Variants in UBR2 observed in about 807,000 individuals in gnomAD.
UBR2 encodes the protein ubiquitin protein ligase E3 component n-recognin 2.
UBR2 carries 92 observed loss-of-function variants against 247.9 expected under a neutral mutation model. The observed-to-expected ratio is 0.37, with a 90% CI of 0.31 to 0.44. The LOEUF (loss-of-function observed/expected upper bound fraction) is 0.44, where lower values mean the gene tolerates loss of function less well. Ranked by LOEUF, UBR2 falls within the 20% of genes least tolerant of loss-of-function variation. The pLI is 1.00. For missense variants in UBR2, 1,613 were observed against 2,112.6 expected, an observed-to-expected ratio of 0.76 and a Z score of 4.64; for synonymous variants, 672 against 693.5, an observed-to-expected ratio of 0.97 and a Z score of 0.49.
chr6:42,588,745 T>G (rs941731265), intron 2 of UBR2, among the ~76,000 whole-genome samples: 1 of 152,122 alleles, frequency 6.6e-6, no homozygotes, highest in African/African-American at 2.4e-5. Context: ...CTTCCGAGAT[T>G]TTGGTGGGTG....
At position 42,659,648 on chromosome 6, in the gene UBR2, T is replaced by A; in HGVS notation, c.3243-8T>A. 6.2e-7 allele frequency: 1 copy of A among 1,612,308 alleles called. No individual in the cohort carries two copies. The highest frequency in any genetic ancestry group is 8.5e-7 in the Non-Finnish European group (1 of 1,178,886). On this transcript the variant is annotated splice_region_variant and splice_polypyrimidine_tract_variant and intron_variant, in intron 29 of 46. Coordinates refer to ENST00000372901, the MANE Select transcript of UBR2 (RefSeq NM_001363705.2). This position sits in a 1 kb window ranked among gnomAD's most constrained non-coding sequence, Gnocchi z 4.3. Reference sequence around the variant, plus strand: ...TCATTAATTATATTCATAACCTTTGTATTGCAGCCCTGTGGCTTCAGATAT... The same window carrying A: ...TCATTAATTATATTCATAACCTTTGAATTGCAGCCCTGTGGCTTCAGATAT...
At chr6:42,584,695 AG>A (rs1792138606) in intron 2 of UBR2, among the ~76,000 whole-genome samples, 1 of 152,118 alleles carries the variant, frequency 6.6e-6, no homozygotes, top group Non-Finnish European at 1.5e-5. Context: ...AATTCCTTTT[AG>A]CAAAGTCTTA....
chr6:42,580,643 G>T (rs536367897), intron 2 of UBR2, among the ~76,000 whole-genome samples: 20 of 151,516 alleles, frequency 1.3e-4, no homozygotes, highest in Non-Finnish European at 8.9e-5. Context: ...GGGTTCAAGC[G>T]ATTCTCCTGC....
At chr6:42,579,891 C>T (rs1036311989) in intron 2 of UBR2, among the ~76,000 whole-genome samples, 3 of 152,136 alleles carry the variant, frequency 2.0e-5, no homozygotes, top group Admixed American at 6.5e-5. Context: ...ATAATTGTGG[C>T]TTACATTTTT....
In UBR2 at chr6:42,635,450, A is replaced by G; in HGVS notation, c.1578A>G (p.Gln526=). ...ATCCAATTACACGTCAAGTAGGACA[A>G]CATATTGAAATGGAACCAGAGTGGG... ...GMDPITRQVG[Q]HIEMEPEWEA... is the part of the protein sequence containing the mutation. The change falls in exon 14 of 47, where the codon CAA becomes CAG. Residue 526 remains glutamine, a synonymous_variant. Transcript: ENST00000372901. 1.2e-6 allele frequency: 2 copies of G among 1,613,942 alleles called. No homozygotes were observed. The highest frequency in any genetic ancestry group is 8.5e-7 in the Non-Finnish European group (1 of 1,179,858).
intron 23 of UBR2, among the ~76,000 whole-genome samples, chr6:42,651,636 G>A (rs970082838): frequency 6.6e-6 from 1 of 152,032 alleles, no homozygotes; most frequent in Non-Finnish European, 1.5e-5. Flanking sequence ...GATTACAGGT[G>A]TGTGCCACCA....
intron 7 of UBR2, among the ~76,000 whole-genome samples, chr6:42,611,152 TAAA>T (rs77005793): frequency 7.8e-6 from 1 of 128,862 alleles, no homozygotes; most frequent in Non-Finnish European, 1.7e-5. Context: ...AGCCATGATT[TAAA>T]AAAAAAAAAA....
chr6:42,687,133 C>CG (rs1234608633), intron 44 of UBR2, among the ~76,000 whole-genome samples: 1 of 152,140 alleles, frequency 6.6e-6, no homozygotes, highest in Non-Finnish European at 1.5e-5. Context: ...CCAAGGCAGG[C>CG]GGCTGGGAGG....
chr6:42,627,833 T>G (rs552655136), intron 11 of UBR2, among the ~76,000 whole-genome samples: 3 of 152,116 alleles, frequency 2.0e-5, no homozygotes, highest in Non-Finnish European at 4.4e-5. Flanking sequence ...GTCTTTAAAG[T>G]CTTTGTTTTA....
Position 42,652,026 on chromosome 6 carries a change from G to A in UBR2, c.2569G>A (p.Glu857Lys). ...AAATAACTTTATTTTTTATTAGGCA[G>A]AAGAAGCGCAACGGAAATTGAAAAG... The part of the protein sequence containing the change: ...HFSRAEQSKA[E>K]EAQRKLKRQN... The change falls in exon 24 of 47, where the codon GAA (glutamate) becomes AAA (lysine). Residue 857 changes from glutamate (E) to lysine (K), a missense_variant. Glu to Lys is a moderately conservative substitution (Grantham distance 56). Coordinates refer to ENST00000372901, the MANE Select transcript of UBR2 (RefSeq NM_001363705.2). 1 of 1,592,694 alleles carries A rather than the reference G, an allele frequency of 6.3e-7. No individual in the cohort carries two copies. The highest frequency in any genetic ancestry group is 1.8e-5 in the Admixed American group (1 of 55,158).
chr6:42,585,623 G>A (rs917886622), intron 2 of UBR2, among the ~76,000 whole-genome samples: 32 of 151,738 alleles, frequency 2.1e-4, no homozygotes, highest in Admixed American at 7.2e-4. Context: ...TGTTTATTAG[G>A]GTTTTTTATA....
chr6:42,684,997 G>C (rs1414885801), intron 44 of UBR2, 126 bp downstream of exon 44: 2 of 716,048 alleles, frequency 2.8e-6, no homozygotes, highest in Non-Finnish European at 4.3e-6. Context: ...CTTTATGAGA[G>C]GAGAGGGAGA....
At position 42,632,596 on chromosome 6, in the gene UBR2, T is replaced by A; in HGVS notation, c.1326T>A (p.Ile442=). Residue 442 remains isoleucine, a synonymous_variant, in exon 12 of 47, where the codon ATT becomes ATA. Transcript: ENST00000372901. Reference sequence around the variant, plus strand: ...AAGAAAACTTAATGAGCATTATCATTAAGACTTTTATGGATCATTTGAGAC... The same window carrying A: ...AAGAAAACTTAATGAGCATTATCATAAAGACTTTTATGGATCATTTGAGAC... ...ITEENLMSII[I]KTFMDHLRHR... is the part of the protein sequence containing the mutation. 6.2e-7 allele frequency: 1 copy of A among 1,612,726 alleles called. No individual in the cohort carries two copies. Among genetic ancestry groups the A allele is most frequent in the Non-Finnish European group, 8.5e-7 (1 of 1,179,538 alleles).
intron 15 of UBR2, 28 bp downstream of exon 15, chr6:42,637,222 C>G: frequency 6.3e-7 from 1 of 1,588,932 alleles, no homozygotes; most frequent in South Asian, 1.1e-5. Flanking sequence ...AAATAAAACC[C>G]TAAAATTATC....
At chr6:42,639,416 A>G (rs1796289939) in intron 15 of UBR2, among the ~76,000 whole-genome samples, 1 of 152,198 alleles carries the variant, frequency 6.6e-6, no homozygotes. Flanking sequence ...AACATGGCAA[A>G]ACCCCGTCTC....
intron 3 of UBR2, among the ~76,000 whole-genome samples, chr6:42,593,361 A>G (rs922441506): frequency 6.6e-6 from 1 of 152,120 alleles, no homozygotes; most frequent in East Asian, 1.9e-4. Context: ...CTTGGCATAT[A>G]TCTTTGCATT....
chr6:42,670,432 CAG>C (rs745319602), intron 35 of UBR2, among the ~76,000 whole-genome samples, 192 bp downstream of exon 35: 9 of 152,094 alleles, frequency 5.9e-5, no homozygotes, highest in Non-Finnish European at 1.0e-4. Context: ...ACCACAGCAA[CAG>C]AGAACTCTTG....
At chr6:42,614,530 A>G (rs1191743098) in intron 8 of UBR2, among the ~76,000 whole-genome samples, 1 of 151,978 alleles carries the variant, frequency 6.6e-6, no homozygotes, top group East Asian at 1.9e-4. Context: ...TGAAGTTTAC[A>G]TTTAAAAGGT....
chr6:42,691,545 C>T lies in UBR2; in HGVS notation c.*372C>T. On this transcript the variant is annotated 3_prime_UTR_variant, in exon 47 of 47. Transcript: ENST00000372901. Reference sequence around the variant, plus strand: ...ACTCAACGGAGGCAGGGAACAAAGTCTCTGTGGTCTGTTGGGTCATACTTC... The same window carrying T: ...ACTCAACGGAGGCAGGGAACAAAGTTTCTGTGGTCTGTTGGGTCATACTTC... 7.0e-6 allele frequency: 2 copies of T among 283,880 alleles called. No homozygotes were observed. The highest frequency in any genetic ancestry group is 6.7e-6 in the Non-Finnish European group (1 of 148,414). The allele number at this position is 283,880 out of a possible 1,614,324, so 17.6% of individuals were successfully genotyped here.
Sources: gnomAD v4.1 joint callset for allele counts (sites outside exome capture counted in the v4.1 genomes callset) on GRCh38, gnomAD v4.1.1 for gene constraint, Gnocchi (gnomAD v3.1) non-coding constraint, MANE v1.5 for transcripts, NCBI Gene and HGNC (gene_info 2026-07-23, HGNC 2026-07-21) for gene names.